Variants in FNDC1 observed in about 807,000 individuals in gnomAD.
The protein encoded by FNDC1 is fibronectin type III domain-containing protein 1.
Under a neutral mutation model 168.0 loss-of-function variants are expected in FNDC1, and 96 were observed. The observed-to-expected ratio is 0.57, with a 90% CI of 0.48 to 0.68. The LOEUF is 0.68. FNDC1 is among the 30% of genes least tolerant of loss of function. The probability of loss-of-function intolerance (pLI) is 0.00; values close to 1 mark genes in which losing one functional copy is unlikely to be tolerated. For synonymous variants in FNDC1, 1,099 were observed against 1,025.9 expected (o/e 1.07, Z -1.36); for missense variants, 2,587 against 2,482.1 (o/e 1.04, Z -0.90).
intron 1 of FNDC1, among the ~76,000 whole-genome samples, chr6:159,187,704 T>C (rs375537245): frequency 3.3e-5 from 5 of 152,152 alleles, no homozygotes; most frequent in African/African-American, 1.2e-4. Flanking sequence ...CTGGGTGGGG[T>C]CTGGGTCATA....
Position 159,239,777 on chromosome 6 carries a change from C to T in FNDC1, c.4441C>T (p.Arg1481Cys), listed in dbSNP as rs562024060. 5.7e-5 allele frequency: 88 copies of T among 1,534,334 alleles called. No individual in the cohort carries two copies. Among genetic ancestry groups the T allele is most frequent in the East Asian group, 3.9e-4 (16 of 40,592 alleles). ...ATTRRTTTTRRTTTRRPTTTV... is the reference protein window; with the variant it reads ...ATTRRTTTTRCTTTRRPTTTV... ...CACCCGCCGCACGACCACCACCCGC[C>T]GCACGACCACCAGGCGTCCAACAAC... The change falls in exon 14 of 23, where the codon CGC becomes TGC. Residue 1481 changes from arginine to cysteine, a missense_variant. Transcript: ENST00000297267.
chr6:159,214,918 C>T, intron 4 of FNDC1, 27 bp from the exon 5 acceptor site: 1 of 1,611,230 alleles, frequency 6.2e-7, no homozygotes, highest in Non-Finnish European at 8.5e-7. Flanking sequence ...TACTGTCTAA[C>T]CACTTTTGTG....
intron 18 of FNDC1, 146 bp downstream of exon 18, chr6:159,256,777 T>G: frequency 1.5e-6 from 1 of 656,156 alleles, no homozygotes; most frequent in Non-Finnish European, 2.7e-6. Flanking sequence ...CAATGCATGC[T>G]TACCATATGT....
At chr6:159,179,326 G>T (rs555145873) in intron 1 of FNDC1, among the ~76,000 whole-genome samples, 4 of 152,218 alleles carry the variant, frequency 2.6e-5, no homozygotes, top group Non-Finnish European at 5.9e-5. Context: ...AGGCATGGTG[G>T]CAGACGCCTG....
intron 4 of FNDC1, among the ~76,000 whole-genome samples, chr6:159,206,865 C>G (rs1422877977): frequency 6.6e-6 from 1 of 152,190 alleles, no homozygotes; most frequent in Non-Finnish European, 1.5e-5. Flanking sequence ...CTACTCCCTC[C>G]CAAGGAAGTA....
chr6:159,179,008 C>T (rs541470962), intron 1 of FNDC1, among the ~76,000 whole-genome samples: 1 of 152,328 alleles, frequency 6.6e-6, no homozygotes, highest in East Asian at 1.9e-4. Flanking sequence ...GTTTTCCAGA[C>T]TGTGCATGAT....
chr6:159,182,189 A>G (rs536685860), intron 1 of FNDC1, among the ~76,000 whole-genome samples: 12 of 152,338 alleles, frequency 7.9e-5, no homozygotes, highest in African/African-American at 1.4e-4. Flanking sequence ...GGGTACAAAC[A>G]CTAGATATCA....
At chr6:159,191,274 G>A (rs1583859243) in intron 1 of FNDC1, among the ~76,000 whole-genome samples, 1 of 152,266 alleles carries the variant, frequency 6.6e-6, no homozygotes, top group African/African-American at 2.4e-5. Context: ...ATCACTATAA[G>A]AGATGGGTCC....
rs1289199628 is a variant in FNDC1, at chr6:159,237,774, AT to A, written c.4069-773del. ...ACCATTTGCGGTATAACCTTCCATA[AT>A]TTTTTTCTCTGCAGTTTTAAGCTTA... On this transcript the variant is annotated intron_variant, in intron 12 of 22. Coordinates refer to ENST00000297267, the MANE Select transcript of FNDC1 (RefSeq NM_032532.3). 4.6e-5 allele frequency among the ~76,000 whole-genome samples: 7 copies of A among 152,266 alleles called. No individual in the cohort carries two copies. In the South Asian group the frequency reaches 6.2e-4, roughly 14 times the overall value.
rs1777263467 is a variant in FNDC1, at chr6:159,251,471, A to C, written c.5004A>C (p.Glu1668Asp). Reference sequence around the variant, plus strand: ...GCAACATCACCGTGGTGGCCGTGGAAGGTTGCCACTCATTTGTCATTGTGG... The same window carrying C: ...GCAACATCACCGTGGTGGCCGTGGACGGTTGCCACTCATTTGTCATTGTGG... ...APRNITVVAV[E>D]GCHSFVIVDW... Residue 1668 changes from glutamate (E) to aspartate (D), a missense_variant, in exon 17 of 23, where the codon GAA becomes GAC. Coordinates refer to ENST00000297267, the MANE Select transcript of FNDC1 (RefSeq NM_032532.3). The C allele has an allele frequency of 6.2e-7, 1 of 1,613,820 alleles. No homozygotes were observed. Among genetic ancestry groups the C allele is most frequent in the Admixed American group, 1.7e-5 (1 of 59,996 alleles).
chr6:159,225,972 G>A (rs1000851886), intron 8 of FNDC1, among the ~76,000 whole-genome samples: 1 of 152,128 alleles, frequency 6.6e-6, no homozygotes, highest in Non-Finnish European at 1.5e-5. Context: ...CTGACATGTG[G>A]AGCACATTAA....
rs1338577444 is a variant in FNDC1, at chr6:159,239,841, C to T, written c.4505C>T (p.Thr1502Ile). 2 of 1,545,830 alleles carry T rather than the reference C, an allele frequency of 1.3e-6. No homozygotes were observed. Among genetic ancestry groups the T allele is most frequent in the Non-Finnish European group, 1.8e-6 (2 of 1,142,272 alleles). The change falls in exon 14 of 23, where the codon ACC becomes ATC. Residue 1502 changes from threonine to isoleucine, a missense_variant. Physicochemically the swap from Thr to Ile is moderately conservative, Grantham distance 89. Coordinates refer to ENST00000297267, the MANE Select transcript of FNDC1 (RefSeq NM_032532.3). ...ACTACGCGGACAACCACCACCACCA[C>T]CCCCACACCCACCACTCCCATCCCC... The part of the protein sequence containing the change: ...RTTTRTTTTT[T>I]PTPTTPIPTC...
At chr6:159,241,988 T>G (rs1783431855) in intron 14 of FNDC1, among the ~76,000 whole-genome samples, 1 of 152,196 alleles carries the variant, frequency 6.6e-6, no homozygotes, top group Non-Finnish European at 1.5e-5. Flanking sequence ...GGTATTTTTT[T>G]GTGATAAGAA....
chr6:159,234,498 C>T lies in FNDC1; in HGVS notation c.3967+19C>T, dbSNP rs79663819. 10 of 1,611,122 alleles carry T rather than the reference C, an allele frequency of 6.2e-6. No homozygotes were observed. The East Asian group carries it at 2.2e-4, about 36-fold the overall frequency. On this transcript the variant is annotated intron_variant, in intron 11 of 22. Coordinates refer to ENST00000297267, the MANE Select transcript of FNDC1 (RefSeq NM_032532.3). ...AGACAAGGTAGTTTATTTTTTCAAA[C>T]AGTCTTTCTTTAAGGTGTTCAGTGG... is the stretch of plus-strand genomic sequence containing the variant.
chr6:159,254,338 A>G (rs1777330231), intron 17 of FNDC1, among the ~76,000 whole-genome samples: 1 of 152,164 alleles, frequency 6.6e-6, no homozygotes, highest in South Asian at 2.1e-4. Context: ...TCAACCATGC[A>G]CATGGTTTTA....
In FNDC1 at chr6:159,199,947, C is replaced by T. The variant is rs781522409; in HGVS notation, c.305-49C>T. 6.1e-6 allele frequency: 9 copies of T among 1,479,514 alleles called. No individual in the cohort carries two copies. The Admixed American group carries it at 1.7e-4, about 28-fold the overall frequency. The allele number at this position is 1,479,514 out of a possible 1,614,324, so 91.6% of individuals were successfully genotyped here. The stretch of plus-strand genomic sequence containing the variant: ...GCATGGTTAGTGAGTGAAACTGTGT[C>T]ATTCTTGGAGATCTGAATTGGTGGC... On this transcript the variant is annotated intron_variant, in intron 2 of 22. Transcript: ENST00000297267.
chr6:159,217,144 G>A (rs970123432), intron 5 of FNDC1, among the ~76,000 whole-genome samples: 2 of 152,222 alleles, frequency 1.3e-5, no homozygotes, highest in Non-Finnish European at 2.9e-5. Flanking sequence ...AGACAAGGAG[G>A]GGGATGGGCA....
Position 159,256,540 on chromosome 6 carries a change from G to A in FNDC1, c.5083G>A (p.Ala1695Thr), listed in dbSNP as rs1232002130. The A allele has an allele frequency of 6.2e-7, 1 of 1,613,336 alleles. No individual in the cohort carries two copies. Among genetic ancestry groups the A allele is most frequent in the East Asian group, 2.2e-5 (1 of 44,870 alleles). ...DVVTGYLVYSASYEDFIRNKW... is the reference protein window; with the variant it reads ...DVVTGYLVYSTSYEDFIRNKW... ...ATTTTCAGGTTACTTGGTTTACAGT[G>A]CATCCTATGAAGACTTCATCAGGAA... is the stretch of plus-strand genomic sequence containing the variant. The change falls in exon 18 of 23, where the codon GCA becomes ACA. Residue 1695 changes from alanine to threonine, a missense_variant. Coordinates refer to ENST00000297267, the MANE Select transcript of FNDC1 (RefSeq NM_032532.3).
In FNDC1 at chr6:159,256,611, G is replaced by C; in HGVS notation, c.5154G>C (p.Glu1718Asp). 1 of 1,613,340 alleles carries C rather than the reference G, an allele frequency of 6.2e-7. No homozygotes were observed. Among genetic ancestry groups the C allele is most frequent in the African/African-American group, 1.3e-5 (1 of 75,040 alleles). Reference sequence around the variant, plus strand: ...CATCAGTAACTCACTTGCCCATTGAGAACCTAAAGCCCAACACGAGGTACG... The same window carrying C: ...CATCAGTAACTCACTTGCCCATTGACAACCTAAAGCCCAACACGAGGTACG... ...QASSVTHLPI[E>D]NLKPNTRYYF... The change falls in exon 18 of 23, where the codon GAG becomes GAC. Residue 1718 changes from glutamate (E) to aspartate (D), a missense_variant. Physicochemically the swap from Glu to Asp is conservative, Grantham distance 45. Transcript: ENST00000297267.
Sources: allele counts gnomAD v4.1 joint callset (sites outside exome capture counted in the v4.1 genomes callset), GRCh38; gene constraint gnomAD v4.1.1; transcripts MANE v1.5; gene names NCBI Gene and HGNC (gene_info 2026-07-23, HGNC 2026-07-21).